Variants in SAFB observed in about 807,000 individuals in gnomAD.
SAFB encodes scaffold attachment factor B1.
A neutral mutation model predicts 101.6 loss-of-function variants in SAFB; 15 were observed. The ratio of observed to expected loss-of-function variants is 0.15; its 90% CI spans 0.10 to 0.23. The LOEUF (loss-of-function observed/expected upper bound fraction) is 0.23. Among genes scored for constraint, SAFB ranks in the 10% least tolerant of loss-of-function variants. The pLI is 1.00. For missense variants in SAFB, 930 were observed against 1,104.1 expected (o/e 0.84, Z 2.23); for synonymous variants, 449 against 407.5 (o/e 1.10, Z -1.23).
intron 8 of SAFB, among the ~76,000 whole-genome samples, chr19:5,650,752 T>C (rs1163163362): frequency 1.3e-5 from 2 of 152,142 alleles, no homozygotes; most frequent in Non-Finnish European, 2.9e-5. Flanking sequence ...ATTGTCCCAA[T>C]AGCCCCACTC....
chr19:5,664,252 G>T (rs760281072), intron 16 of SAFB, 93 bp downstream of exon 16: 9 of 1,476,056 alleles, frequency 6.1e-6, no homozygotes, highest in Non-Finnish European at 8.4e-6. Context: ...AACCCACTCC[G>T]TTCATCAGAT....
intron 17 of SAFB, 161 bp from the exon 18 acceptor site, chr19:5,666,885 G>T: frequency 1.4e-6 from 1 of 725,342 alleles, no homozygotes; most frequent in East Asian, 2.4e-5. Flanking sequence ...CTGGCCTGCA[G>T]ATTTCAGGAA....
chr19:5,624,088 C>T (rs2053275744), intron 1 of SAFB: 1 of 151,898 alleles, frequency 6.6e-6, no homozygotes. Context: ...AGCCTCAGAA[C>T]TGCCCGGGAG....
chr19:5,635,945 C>T (rs183358024), intron 2 of SAFB, among the ~76,000 whole-genome samples: 4 of 152,094 alleles, frequency 2.6e-5, no homozygotes, highest in Admixed American at 1.3e-4. Context: ...TTTTTTTAGA[C>T]GTTTTTCTTC....
At chr19:5,654,847 C>T (rs1487720093) in intron 13 of SAFB, among the ~76,000 whole-genome samples, 1 of 152,252 alleles carries the variant, frequency 6.6e-6, no homozygotes, top group Non-Finnish European at 1.5e-5. Flanking sequence ...GGATTACAGG[C>T]ATGAGCCACT....
At chr19:5,640,415 G>A (rs544010700) in intron 2 of SAFB, among the ~76,000 whole-genome samples, 1 of 142,060 alleles carries the variant, frequency 7.0e-6, no homozygotes, top group Admixed American at 7.2e-5. Context: ...TGCCAGACTG[G>A]AGTGCAGTGG....
intron 13 of SAFB, among the ~76,000 whole-genome samples, chr19:5,654,826 C>T (rs976726932): frequency 2.0e-5 from 3 of 152,218 alleles, no homozygotes; most frequent in Admixed American, 6.5e-5. Context: ...CTCGGCCTCC[C>T]AAAAGTGCTG....
At chr19:5,655,459 CAAAAAA>C (rs56999816) in intron 13 of SAFB, among the ~76,000 whole-genome samples, 4 of 55,174 alleles carry the variant, frequency 7.2e-5, no homozygotes, top group African/African-American at 1.7e-4. Context: ...GACCCCATCT[CAAAAAA>C]AAAAAAAAAA....
intron 14 of SAFB, among the ~76,000 whole-genome samples, chr19:5,657,629 A>G (rs1351912485): frequency 6.6e-6 from 1 of 152,006 alleles, no homozygotes; most frequent in Non-Finnish European, 1.5e-5. Context: ...CCTCCAAGCA[A>G]TTCTCCAGCC....
intron 20 of SAFB, 31 bp from the exon 21 acceptor site, chr19:5,668,131 C>A: frequency 6.3e-7 from 1 of 1,599,804 alleles, no homozygotes; most frequent in Non-Finnish European, 8.5e-7. Flanking sequence ...AGGAGGACTT[C>A]GCAGTCAAAC....
chr19:5,640,321 A>C (rs887196949), intron 2 of SAFB, among the ~76,000 whole-genome samples: 21 of 151,936 alleles, frequency 1.4e-4, no homozygotes, highest in Admixed American at 1.2e-3. Context: ...GATAAAGAAA[A>C]ATAGCAAATT....
intron 4 of SAFB, among the ~76,000 whole-genome samples, chr19:5,642,410 A>ACAG (rs2053735948): frequency 6.6e-6 from 1 of 152,148 alleles, no homozygotes; most frequent in Non-Finnish European, 1.5e-5. Flanking sequence ...TGTGCAATTG[A>ACAG]AGTCCAGCCT....
chr19:5,623,197 G>A lies in SAFB; in HGVS notation c.-9G>A, dbSNP rs2053225201. ...GTGGAAAGTGGGCGGCGGAGCCAGG[G>A]TCCCTGGAATGGCGGAGACTCTGTC... On this transcript the variant is annotated 5_prime_UTR_variant, in exon 1 of 21. Coordinates refer to ENST00000588852, the MANE Select transcript of SAFB (RefSeq NM_001201338.2). The A allele has an allele frequency of 4.4e-6, 7 of 1,575,492 alleles. No homozygotes were observed. Among genetic ancestry groups the A allele is most frequent in the Non-Finnish European group, 6.0e-6 (7 of 1,161,504 alleles).
At chr19:5,642,276 G>A (rs1314981403) in intron 4 of SAFB, among the ~76,000 whole-genome samples, 1 of 152,136 alleles carries the variant, frequency 6.6e-6, no homozygotes, top group Non-Finnish European at 1.5e-5. Context: ...GTTAGAAGTT[G>A]GTGTTTTCCT....
In SAFB at chr19:5,623,220, G is replaced by T; in HGVS notation, c.15G>T (p.Leu5=). 6.3e-7 allele frequency: 1 copy of T among 1,598,436 alleles called. No homozygotes were observed. The highest frequency in any genetic ancestry group is 8.5e-7 in the Non-Finnish European group (1 of 1,172,894). ...GGGTCCCTGGAATGGCGGAGACTCT[G>T]TCAGGCCTAGGTGATTCTGGAGCGG... MAET[L]SGLGDSGAAG... is the part of the protein sequence containing the mutation. Residue 5 remains leucine, a synonymous_variant, in exon 1 of 21, where the codon CTG becomes CTT. Coordinates refer to ENST00000588852, the MANE Select transcript of SAFB (RefSeq NM_001201338.2).
chr19:5,645,486 C>T, intron 5 of SAFB, 87 bp downstream of exon 5: 1 of 669,860 alleles, frequency 1.5e-6, no homozygotes, highest in South Asian at 1.7e-5. Context: ...ATGCCAGTTC[C>T]AGCTAATAAT....
At chr19:5,628,921 G>T (rs933202587) in intron 2 of SAFB, among the ~76,000 whole-genome samples, 21 of 152,140 alleles carry the variant, frequency 1.4e-4, no homozygotes, top group African/African-American at 4.6e-4. Context: ...TTGTACTACA[G>T]GCTTTTGTTG....
At chr19:5,641,323 G>A (rs2053708429) in intron 2 of SAFB, among the ~76,000 whole-genome samples, 1 of 152,178 alleles carries the variant, frequency 6.6e-6, no homozygotes, top group African/African-American at 2.4e-5. Context: ...GGGCAGAGCT[G>A]AGGACAGGTC....
intron 9 of SAFB, among the ~76,000 whole-genome samples, chr19:5,651,443 C>T (rs1025770101): frequency 5.9e-5 from 9 of 152,200 alleles, no homozygotes; most frequent in Admixed American, 4.6e-4. Flanking sequence ...GATGCTGGAA[C>T]TCAGAACTCA....
Sources: gnomAD v4.1 joint callset for allele counts (sites outside exome capture counted in the v4.1 genomes callset) on GRCh38, gnomAD v4.1.1 for gene constraint, MANE v1.5 for transcripts, NCBI Gene and HGNC (gene_info 2026-07-23, HGNC 2026-07-21) for gene names.